The following INSYN2B variants were observed in gnomAD, a reference collection of about 807,000 sequenced individuals.
The protein encoded by INSYN2B is protein INSYN2B.
In INSYN2B, 16 loss-of-function variants were observed where a neutral mutation model predicts 41.2. The ratio of observed to expected loss-of-function variants is 0.39; its 90% confidence interval spans 0.26 to 0.59. INSYN2B has a LOEUF of 0.59. INSYN2B is among the 20% of genes least tolerant of loss of function. The probability of loss-of-function intolerance (pLI) is 0.57; values close to 1 mark genes in which losing one functional copy is unlikely to be tolerated. For missense variants in INSYN2B, 608 were observed against 646.4 expected, an observed-to-expected ratio of 0.94 and a Z score of 0.64; for synonymous variants, 245 against 244.4, an observed-to-expected ratio of 1.00 and a Z score of -0.02.
At chr5:169,886,234 G>A (rs1772961261) in intron 1 of INSYN2B, among the ~76,000 whole-genome samples, 1 of 152,182 alleles carries the variant, frequency 6.6e-6, no homozygotes. Flanking sequence ...TGAGCAGGTG[G>A]TTCCTCATTT....
chr5:169,904,641 G>A (rs1474117755), intron 1 of INSYN2B, among the ~76,000 whole-genome samples: 1 of 152,196 alleles, frequency 6.6e-6, no homozygotes. Context: ...CCCCTAGTGA[G>A]GGCCCCGCAG....
At chr5:169,944,428 A>G (rs1030142252) in intron 1 of INSYN2B, among the ~76,000 whole-genome samples, 1 of 152,210 alleles carries the variant, frequency 6.6e-6, no homozygotes, top group African/African-American at 2.4e-5. Flanking sequence ...CCCAGTTGCA[A>G]GGAGCCAGCC....
chr5:169,978,392 T>TGGGG (rs150934804), intron 1 of INSYN2B, among the ~76,000 whole-genome samples: 1 of 22,742 alleles, frequency 4.4e-5, no homozygotes, highest in Non-Finnish European at 1.1e-4. Flanking sequence ...TGTGTGTGTG[T>TGGGG]GGGGGGGGGG....
chr5:169,955,005 A>G (rs954339326), intron 1 of INSYN2B, among the ~76,000 whole-genome samples: 1 of 152,222 alleles, frequency 6.6e-6, no homozygotes, highest in African/African-American at 2.4e-5. Context: ...CTCCATGAGG[A>G]AGGCTCAAGG....
intron 1 of INSYN2B, among the ~76,000 whole-genome samples, chr5:169,935,778 G>A (rs1372580829): frequency 2.0e-5 from 3 of 152,102 alleles, no homozygotes; most frequent in South Asian, 2.1e-4. Context: ...GAGAAAAAAC[G>A]CGTTGTGTAA....
At chr5:169,951,096 C>G (rs1489194613) in intron 1 of INSYN2B, among the ~76,000 whole-genome samples, 4 of 152,202 alleles carry the variant, frequency 2.6e-5, no homozygotes, top group Admixed American at 2.6e-4. Context: ...CCTGCCTTAT[C>G]TGGGACACGG....
intron 1 of INSYN2B, among the ~76,000 whole-genome samples, chr5:169,909,412 A>G (rs549036737): frequency 1.1e-4 from 16 of 152,292 alleles, no homozygotes; most frequent in African/African-American, 3.9e-4. Context: ...ATGCTATCCA[A>G]TTTGCAATGA....
intron 1 of INSYN2B, among the ~76,000 whole-genome samples, chr5:169,885,806 G>T (rs1379572545): frequency 6.6e-6 from 1 of 152,086 alleles, no homozygotes; most frequent in Admixed American, 6.5e-5. Flanking sequence ...GGCCCAGAAG[G>T]GTTAAGTAAC....
chr5:169,978,375 ATG>A (rs70979152), intron 1 of INSYN2B, among the ~76,000 whole-genome samples: 806 of 25,678 alleles, frequency 0.031, 71 homozygotes, highest in East Asian at 0.036. Flanking sequence ...GGCTCTGTGT[ATG>A]TGTGTGTGTG....
intron 1 of INSYN2B, among the ~76,000 whole-genome samples, chr5:169,946,116 C>T (rs974424362): frequency 3.3e-5 from 5 of 152,206 alleles, no homozygotes; most frequent in African/African-American, 1.2e-4. Context: ...GCCATCTCAG[C>T]ACAGCAAATA....
In INSYN2B at chr5:169,918,188, C is replaced by G. The variant is rs575670683; in HGVS notation, c.-918-33372G>C. Among the ~76,000 whole-genome samples, 7 of 152,344 alleles carry G rather than the reference C, an allele frequency of 4.6e-5. 1 individual carries two copies. The South Asian group carries it at 1.2e-3, about 27-fold the overall frequency. On this transcript the variant is annotated intron_variant, in intron 1 of 3. Transcript: ENST00000377365. ...TAAAATTTTAAAAATACAGAAACCA[C>G]ATATGATCCTTGTCTTGGGAGACTG...
rs371219472 is a variant in INSYN2B at position 169,946,402 on chromosome 5, G to T, written c.-919+33875C>A. On this transcript the variant is annotated intron_variant, in intron 1 of 3. Coordinates refer to ENST00000377365, the MANE Select transcript of INSYN2B (RefSeq NM_001129891.3). Reference sequence around the variant, plus strand: ...AGGCTCTTCCAGGAGCTACCTTTATGTTTCTTCATGTGTGTTCTTAGCTGG... The same window carrying T: ...AGGCTCTTCCAGGAGCTACCTTTATTTTTCTTCATGTGTGTTCTTAGCTGG... 1.6e-4 allele frequency among the ~76,000 whole-genome samples: 25 copies of T among 152,322 alleles called. 1 individual carries two copies. In the South Asian group the frequency reaches 4.8e-3, roughly 29 times the overall value.
chr5:169,918,889 G>A (rs1054718111), intron 1 of INSYN2B, among the ~76,000 whole-genome samples: 2 of 152,092 alleles, frequency 1.3e-5, no homozygotes, highest in Admixed American at 6.6e-5. Context: ...CAGCCCGGAC[G>A]ACAGAGCAAG....
chr5:169,976,641 G>C (rs1777727485), intron 1 of INSYN2B, among the ~76,000 whole-genome samples: 2 of 152,138 alleles, frequency 1.3e-5, no homozygotes, highest in Admixed American at 1.3e-4. Flanking sequence ...ACAAGCACAG[G>C]CTCCAACCAG....
At position 169,884,320 on chromosome 5, in the gene INSYN2B, A is replaced by G. The variant is rs1772846196; in HGVS notation, c.-422T>C. ...GGTAGTGCCAGACTCCCAATGAGTGAATTCCAAAAGAAACCTGCTACGTCT... is the reference window on the plus strand; with the variant it reads ...GGTAGTGCCAGACTCCCAATGAGTGGATTCCAAAAGAAACCTGCTACGTCT... On this transcript the variant is annotated 5_prime_UTR_variant, in exon 2 of 4. Coordinates refer to ENST00000377365, the MANE Select transcript of INSYN2B (RefSeq NM_001129891.3). 6.4e-6 allele frequency: 1 copy of G among 157,036 alleles called. No homozygotes were observed. The highest frequency in any genetic ancestry group is 1.4e-5 in the Non-Finnish European group (1 of 71,600). The allele number at this position is 157,036 out of a possible 1,614,324, so 9.7% of individuals were successfully genotyped here.
intron 1 of INSYN2B, among the ~76,000 whole-genome samples, chr5:169,959,175 G>A (rs1238971339): frequency 6.6e-6 from 1 of 152,048 alleles, no homozygotes; most frequent in African/African-American, 2.4e-5. Context: ...GGCGGATCAT[G>A]AGGTCAGGAC....
chr5:169,933,708 T>A (rs769819369), intron 1 of INSYN2B, among the ~76,000 whole-genome samples: 2 of 152,140 alleles, frequency 1.3e-5, no homozygotes, highest in Non-Finnish European at 2.9e-5. Flanking sequence ...GTATCAGCCT[T>A]CAAGCAGTTT....
intron 3 of INSYN2B, among the ~76,000 whole-genome samples, chr5:169,867,088 GA>G (rs1561777874): frequency 5.3e-5 from 8 of 152,230 alleles, no homozygotes; most frequent in African/African-American, 1.9e-4. Context: ...AGAACTCAGG[GA>G]AACACTTCCT....
chr5:169,948,097 C>T lies in INSYN2B; in HGVS notation c.-919+32180G>A, dbSNP rs923961859. 7.9e-5 allele frequency among the ~76,000 whole-genome samples: 12 copies of T among 152,068 alleles called. No individual in the cohort carries two copies. In the East Asian group the frequency reaches 1.2e-3, roughly 15 times the overall value. On this transcript the variant is annotated intron_variant, in intron 1 of 3. Transcript: ENST00000377365. ...CCGAGAGAAGAGCCAGGCCACCATT[C>T]GGTACACACCCTCTTCACTTCTAAG...
Sources: gnomAD v4.1 joint callset for allele counts (sites outside exome capture counted in the v4.1 genomes callset) on GRCh38, gnomAD v4.1.1 for gene constraint, MANE v1.5 for transcripts, NCBI Gene and HGNC (gene_info 2026-07-23, HGNC 2026-07-21) for gene names.